CACNG7: variants seen among roughly 807,000 people sequenced by gnomAD.
CACNG7 encodes the protein calcium voltage-gated channel auxiliary subunit gamma 7.
Under a neutral mutation model 26.3 loss-of-function variants are expected in CACNG7, and 9 were observed. That is an observed-to-expected ratio of 0.34 (90% CI 0.21 to 0.60). The LOEUF (loss-of-function observed/expected upper bound fraction) is 0.60. Among genes scored for constraint, CACNG7 ranks in the 20% least tolerant of loss-of-function variants. The probability of loss-of-function intolerance (pLI) is 0.81; values close to 1 mark genes in which losing one functional copy is unlikely to be tolerated. For missense variants in CACNG7, 297 were observed against 380.4 expected (o/e 0.78, Z 1.82); for synonymous variants, 170 against 157.0 (o/e 1.08, Z -0.62).
chr19:53,930,754 C>G (rs1410376163), intron 4 of CACNG7, among the ~76,000 whole-genome samples: 1 of 152,102 alleles, frequency 6.6e-6, no homozygotes, highest in Admixed American at 6.5e-5. Context: ...GTGATCTGCC[C>G]TCAGCCTCCC....
chr19:53,936,536 G>T (rs1274511511), intron 4 of CACNG7, among the ~76,000 whole-genome samples: 1 of 152,194 alleles, frequency 6.6e-6, no homozygotes, highest in Non-Finnish European at 1.5e-5. Context: ...CTACTGAAAA[G>T]AACTTTCTCT....
intron 4 of CACNG7, among the ~76,000 whole-genome samples, chr19:53,916,487 CTTTTTT>C (rs397706471): frequency 2.2e-4 from 21 of 95,440 alleles, no homozygotes; most frequent in Admixed American, 4.7e-4. Context: ...TTCTTTCTTT[CTTTTTT>C]TTTTTTTTTT....
At position 53,909,817 on chromosome 19, in the gene CACNG7, C is replaced by T. The variant is rs1053758878; in HGVS notation, c.-30+300C>T. Among the ~76,000 whole-genome samples the T allele has an allele frequency of 6.6e-6, 1 of 151,934 alleles. No homozygotes were observed. The highest frequency in any genetic ancestry group is 1.5e-5 in the Non-Finnish European group (1 of 67,990). On this transcript the variant is annotated intron_variant, in intron 1 of 5. Coordinates refer to ENST00000391767, the MANE Select transcript of CACNG7 (RefSeq NM_031896.5). The surrounding 1 kb of genome is among the most constrained non-coding windows in gnomAD (Gnocchi z 5.1). ...AGGAAGGCGAGGTACGGGGCGAGGG[C>T]GGAGGACCCAGGCCCGGCCAGAGCA...
Position 53,913,003 on chromosome 19 carries a change from C to A in CACNG7, c.172C>A (p.Leu58Ile), listed in dbSNP as rs2068870729. ...TEVKMALHAG[L>I]WRVCFFAGRE... ...GGTCAAGATGGCCCTGCACGCCGGC[C>A]TCTGGCGAGTCTGCTTCTTTGCAGG... The change falls in exon 2 of 6, where the codon CTC becomes ATC. Residue 58 changes from leucine to isoleucine, a missense_variant. Coordinates refer to ENST00000391767, the MANE Select transcript of CACNG7 (RefSeq NM_031896.5). 2 of 1,612,194 alleles carry A rather than the reference C, an allele frequency of 1.2e-6. No individual in the cohort carries two copies. Among genetic ancestry groups the A allele is most frequent in the Admixed American group, 1.7e-5 (1 of 59,956 alleles).
intron 5 of CACNG7, 93 bp downstream of exon 5, chr19:53,941,708 A>C: frequency 1.4e-6 from 2 of 1,430,144 alleles, no homozygotes; most frequent in African/African-American, 1.5e-5. Context: ...GAGGCTGGAG[A>C]TGCAGACTCT....
At chr19:53,930,341 T>A (rs1337889411) in intron 4 of CACNG7, among the ~76,000 whole-genome samples, 1 of 151,952 alleles carries the variant, frequency 6.6e-6, no homozygotes, top group Non-Finnish European at 1.5e-5. Context: ...CCCGAATAGC[T>A]AGGACTACAG....
chr19:53,912,633 CT>C lies in CACNG7; in HGVS notation c.-29-169del, dbSNP rs926195179. On this transcript the variant is annotated intron_variant, in intron 1 of 5. Transcript: ENST00000391767. The surrounding 1 kb of genome is among the most constrained non-coding windows in gnomAD (Gnocchi z 4.6). The stretch of plus-strand genomic sequence containing the variant: ...GGCTGAGGCTCAACAGTTGGTGTCT[CT>C]GGTCAGACTCTAGGGTTGGGGTCAT... 4 of 571,598 alleles carry C rather than the reference CT, an allele frequency of 7.0e-6. No individual in the cohort carries two copies. In the Admixed American group the frequency reaches 1.3e-4, roughly 18 times the overall value. 35.4% of individuals were successfully genotyped at this position (571,598 alleles called of 1,614,324 possible).
At chr19:53,936,396 G>A (rs2069105433) in intron 4 of CACNG7, among the ~76,000 whole-genome samples, 1 of 152,124 alleles carries the variant, frequency 6.6e-6, no homozygotes, top group Admixed American at 6.6e-5. Context: ...ATCTTCTGTG[G>A]GGAGATTCTG....
intron 4 of CACNG7, among the ~76,000 whole-genome samples, chr19:53,923,845 C>T (rs866732487): frequency 1.9e-4 from 18 of 94,970 alleles, no homozygotes; most frequent in South Asian, 3.6e-4. Context: ...GGTGGAGTTG[C>T]CCCAGGCCTG....
At position 53,942,241 on chromosome 19, in the gene CACNG7, C is replaced by T; in HGVS notation, c.776C>T (p.Pro259Leu). The change falls in exon 6 of 6, where the codon CCT becomes CTT. Residue 259 changes from proline to leucine, a missense_variant. Coordinates refer to ENST00000391767, the MANE Select transcript of CACNG7 (RefSeq NM_031896.5). The surrounding 1 kb of genome is among the most constrained non-coding windows in gnomAD (Gnocchi z 5.9). ...DVSIQMTQNY[P>L]PAIKYPDHLH... The stretch of plus-strand genomic sequence containing the variant: ...TCCATCCAAATGACGCAGAACTACC[C>T]TCCCGCCATCAAGTACCCGGACCAC... 6.2e-7 allele frequency: 1 copy of T among 1,613,884 alleles called. No individual in the cohort carries two copies. Among genetic ancestry groups the T allele is most frequent in the Non-Finnish European group, 8.5e-7 (1 of 1,179,914 alleles).
At position 53,941,484 on chromosome 19, in the gene CACNG7, G is replaced by A; in HGVS notation, c.439G>A (p.Val147Met). The A allele has an allele frequency of 6.4e-7, 1 of 1,573,226 alleles. No individual in the cohort carries two copies. The change falls in exon 5 of 6, where the codon GTG becomes ATG. Residue 147 changes from valine to methionine, a missense_variant. By Grantham distance (21) the Val-to-Met change is conservative. Transcript: ENST00000391767. ...TGCTCCCCTAGGCCTCTCCTTGGTG[G>A]TGGGCTTGGTTCTTTACATCTCCAG... Reference protein sequence around the residue: ...FFILSGLSLVVGLVLYISSIN... With the variant: ...FFILSGLSLVMGLVLYISSIN...
chr19:53,909,943 C>T lies in CACNG7; in HGVS notation c.-30+426C>T, dbSNP rs2068852254. Among the ~76,000 whole-genome samples, 3 of 151,842 alleles carry T rather than the reference C, an allele frequency of 2.0e-5. No individual in the cohort carries two copies. Among genetic ancestry groups the T allele is most frequent in the African/African-American group, 7.3e-5 (3 of 41,334 alleles). ...GGCTTAAGACTTGCAGAAGGGGACCCCGGAGATTCAAATGCCTGAATCCGG... is the reference window on the plus strand; with the variant it reads ...GGCTTAAGACTTGCAGAAGGGGACCTCGGAGATTCAAATGCCTGAATCCGG... On this transcript the variant is annotated intron_variant, in intron 1 of 5. Coordinates refer to ENST00000391767, the MANE Select transcript of CACNG7 (RefSeq NM_031896.5). The surrounding 1 kb of genome is among the most constrained non-coding windows in gnomAD (Gnocchi z 5.1).
chr19:53,921,764 G>C (rs1283455284), intron 4 of CACNG7, among the ~76,000 whole-genome samples: 1 of 100,334 alleles, frequency 1.0e-5, no homozygotes, highest in Non-Finnish European at 1.9e-5. Context: ...TATTGGTGGA[G>C]TTGTCCCAGG....
rs903893258 is a variant in CACNG7 at position 53,943,184 on chromosome 19, C to T, written c.*891C>T. The T allele has an allele frequency of 6.6e-6, 1 of 152,122 alleles. No individual in the cohort carries two copies. The highest frequency in any genetic ancestry group is 2.0e-4 in the East Asian group (1 of 5,128). The allele number at this position is 152,122 out of a possible 1,614,324, so 9.4% of individuals were successfully genotyped here. On this transcript the variant is annotated 3_prime_UTR_variant, in exon 6 of 6. Coordinates refer to ENST00000391767, the MANE Select transcript of CACNG7 (RefSeq NM_031896.5). ...TAGGGTGGAGGGAATTCCCCCACGCCATCTCCGCACCTGTGCCCGCCTCTC... is the reference window on the plus strand; with the variant it reads ...TAGGGTGGAGGGAATTCCCCCACGCTATCTCCGCACCTGTGCCCGCCTCTC...
At chr19:53,924,077 C>T (rs1203586060) in intron 4 of CACNG7, among the ~76,000 whole-genome samples, 13 of 123,856 alleles carry the variant, frequency 1.0e-4, no homozygotes, top group Non-Finnish European at 1.6e-4. Context: ...CAGGTCTGGT[C>T]ATTGGTGGAG....
intron 4 of CACNG7, among the ~76,000 whole-genome samples, chr19:53,923,307 A>C (rs74180747): frequency 0.028 from 1,204 of 42,494 alleles, no homozygotes; most frequent in African/African-American, 0.13. Flanking sequence ...GGTGGAGTTG[A>C]CTCAGGCTGG....
Position 53,942,491 on chromosome 19 carries a change from G to C in CACNG7, c.*198G>C, listed in dbSNP as rs2069145218. ...TTCAATGGCCGCGCCCTCTTTTCCCGACCTCTCCTTTTCATTGGTCCCTCT... is the reference window on the plus strand; with the variant it reads ...TTCAATGGCCGCGCCCTCTTTTCCCCACCTCTCCTTTTCATTGGTCCCTCT... On this transcript the variant is annotated 3_prime_UTR_variant, in exon 6 of 6. Coordinates refer to ENST00000391767, the MANE Select transcript of CACNG7 (RefSeq NM_031896.5). The surrounding 1 kb of genome is among the most constrained non-coding windows in gnomAD (Gnocchi z 5.9). The C allele has an allele frequency of 1.4e-6, 2 of 1,425,796 alleles. No homozygotes were observed. Among genetic ancestry groups the C allele is most frequent in the Admixed American group, 2.9e-5 (1 of 34,464 alleles). The allele number at this position is 1,425,796 out of a possible 1,614,324, so 88.3% of individuals were successfully genotyped here. A position where few individuals can be genotyped will look rare whatever the true frequency, so the allele number is the denominator to read the frequency against.
intron 4 of CACNG7, among the ~76,000 whole-genome samples, chr19:53,933,374 G>A (rs307920): frequency 1 from 149,184 of 149,394 alleles, 74,487 homozygotes; most frequent in East Asian, 1. Flanking sequence ...GTCTCGGCTC[G>A]CTGCAACCTC....
Position 53,942,668 on chromosome 19 carries a change from C to A in CACNG7, c.*375C>A. The A allele has an allele frequency of 1.2e-6, 1 of 833,272 alleles. No individual in the cohort carries two copies. The highest frequency in any genetic ancestry group is 4.6e-5 in the South Asian group (1 of 21,668). The allele number at this position is 833,272 out of a possible 1,614,324, so 51.6% of individuals were successfully genotyped here. A position where few individuals can be genotyped will look rare whatever the true frequency, so the allele number is the denominator to read the frequency against. ...CGCCCAGCTCCCCAGAGCTCCCCAA[C>A]CTCGGACCTCACCGCAGGGGCGCTG... On this transcript the variant is annotated 3_prime_UTR_variant, in exon 6 of 6. Coordinates refer to ENST00000391767, the MANE Select transcript of CACNG7 (RefSeq NM_031896.5). The surrounding 1 kb of genome is among the most constrained non-coding windows in gnomAD (Gnocchi z 5.9).
Sources: gnomAD v4.1 joint callset for allele counts (sites outside exome capture counted in the v4.1 genomes callset) on GRCh38, gnomAD v4.1.1 for gene constraint, Gnocchi (gnomAD v3.1) non-coding constraint, MANE v1.5 for transcripts, NCBI Gene and HGNC (gene_info 2026-07-23, HGNC 2026-07-21) for gene names.